UNC80: variants seen among roughly 807,000 people sequenced by gnomAD.
UNC80 encodes the protein protein unc-80 homolog.
In UNC80, 164 loss-of-function variants were observed where a neutral mutation model predicts 384.6. That is an observed-to-expected ratio of 0.43 (90% CI 0.38 to 0.49). UNC80 has a LOEUF of 0.49. UNC80 is among the 20% of genes least tolerant of loss of function. The pLI is 0.00. For synonymous variants in UNC80, 1,486 were observed against 1,527.8 expected (o/e 0.97, Z 0.64); for missense variants, 3,330 against 4,143.0 (o/e 0.80, Z 5.39).
chr2:209,862,349 A>G (rs2083403475), intron 22 of UNC80, among the ~76,000 whole-genome samples: 1 of 152,178 alleles, frequency 6.6e-6, no homozygotes, highest in African/African-American at 2.4e-5. Flanking sequence ...TGCTTGGTCC[A>G]GAGCTGAGTT....
chr2:209,835,131 A>G (rs116100761), intron 18 of UNC80, 121 bp downstream of exon 18: 18 of 746,048 alleles, frequency 2.4e-5, no homozygotes, highest in African/African-American at 2.3e-4. Flanking sequence ...CCTTGTTTCT[A>G]CCCTTTACAT....
chr2:209,858,366 C>A (rs2083092216), intron 22 of UNC80, among the ~76,000 whole-genome samples: 1 of 152,100 alleles, frequency 6.6e-6, no homozygotes. Flanking sequence ...CAATCCTTTA[C>A]TTTCAACTTT....
intron 35 of UNC80, 127 bp from the exon 36 acceptor site, chr2:209,926,716 C>A: frequency 1.7e-6 from 2 of 1,156,960 alleles, no homozygotes; most frequent in Non-Finnish European, 2.4e-6. Flanking sequence ...GTCGAGGCTG[C>A]AGTGAGCAGT....
At chr2:209,944,926 A>G (rs955408989) in intron 45 of UNC80, 125 bp from the exon 46 acceptor site, 5 of 1,126,794 alleles carry the variant, frequency 4.4e-6, no homozygotes, top group African/African-American at 3.1e-5. Context: ...AGAATTATGT[A>G]AGCTGAATTC....
At chr2:209,842,754 C>A (rs374369815) in intron 21 of UNC80, among the ~76,000 whole-genome samples, 1 of 152,172 alleles carries the variant, frequency 6.6e-6, no homozygotes, top group East Asian at 1.9e-4. Context: ...ATCCTTTTAT[C>A]CACCCACCTA....
chr2:209,927,064 A>T, intron 36 of UNC80, 78 bp downstream of exon 36: 1 of 1,467,192 alleles, frequency 6.8e-7, no homozygotes, highest in Non-Finnish European at 9.2e-7. Flanking sequence ...TTGCTCTTAA[A>T]CACATTATCT....
intron 59 of UNC80, among the ~76,000 whole-genome samples, chr2:209,979,176 G>A (rs1200718026): frequency 1.3e-5 from 2 of 152,154 alleles, no homozygotes; most frequent in African/African-American, 4.8e-5. Context: ...TTGAACCCGG[G>A]AGGCAGAGGT....
chr2:209,800,929 G>C (rs1161163072), intron 7 of UNC80, among the ~76,000 whole-genome samples: 3 of 152,144 alleles, frequency 2.0e-5, no homozygotes, highest in Non-Finnish European at 4.4e-5. Flanking sequence ...TGTTTGTTAT[G>C]ATTTCAGTTC....
At chr2:209,830,007 A>G (rs2080838448) in intron 15 of UNC80, among the ~76,000 whole-genome samples, 2 of 152,248 alleles carry the variant, frequency 1.3e-5, no homozygotes, top group African/African-American at 4.8e-5. Flanking sequence ...AACTGCATTT[A>G]TAGTAAACCA....
intron 22 of UNC80, among the ~76,000 whole-genome samples, chr2:209,856,329 T>C (rs1042654681): frequency 6.6e-6 from 1 of 152,142 alleles, no homozygotes; most frequent in Non-Finnish European, 1.5e-5. Context: ...ATTTAAAAGA[T>C]TATAGGTGAT....
chr2:209,834,046 G>A lies in UNC80; in HGVS notation c.2820G>A (p.Glu940=). The stretch of plus-strand genomic sequence containing the variant: ...GTCAGCTGGTCCAGTTTATCAAAGA[G>A]GCTCATGGGAATGTCTTCAGGAGAG... ...DIRQLVQFIK[E]AHGNVFRRVA... The change falls in exon 17 of 65, where the codon GAG becomes GAA. Residue 940 remains glutamate, a synonymous_variant. Transcript: ENST00000673920. 6.4e-7 allele frequency: 1 copy of A among 1,551,770 alleles called. No individual in the cohort carries two copies. Among genetic ancestry groups the A allele is most frequent in the Non-Finnish European group, 8.7e-7 (1 of 1,146,978 alleles).
At chr2:209,953,543 C>A (rs1286355088) in intron 47 of UNC80, among the ~76,000 whole-genome samples, 1 of 151,896 alleles carries the variant, frequency 6.6e-6, no homozygotes, top group Non-Finnish European at 1.5e-5. Flanking sequence ...GTGTTTCTGG[C>A]ACCCCAATAC....
rs2091634064 is a variant in UNC80, at chr2:209,941,563, A to G, written c.6915+74A>G. The stretch of plus-strand genomic sequence containing the variant: ...CATATCTAGCCGTTCAACTAGATCT[A>G]TACTGAAACTTTTTAATGATGGTGT... On this transcript the variant is annotated intron_variant, in intron 44 of 64. Transcript: ENST00000673920. The G allele has an allele frequency of 1.4e-5, 19 of 1,340,900 alleles. No individual in the cohort carries two copies. In the South Asian group the frequency reaches 2.8e-4, roughly 20 times the overall value. 83.1% of individuals were successfully genotyped at this position (1,340,900 alleles called of 1,614,324 possible).
chr2:209,875,358 A>T (rs1425723434), intron 23 of UNC80, among the ~76,000 whole-genome samples: 1 of 152,196 alleles, frequency 6.6e-6, no homozygotes, highest in African/African-American at 2.4e-5. Context: ...CCATTCCAAG[A>T]TTATGAGTGA....
Position 209,972,236 on chromosome 2 carries a change from C to T in UNC80, c.8292C>T (p.Ile2764=). ...AAGATTTTCCTTTAAGCCATGTGAT[C>T]TCCCCATTCACCAATCAAGAGCGAA... The part of the protein sequence containing the change: ...LKEDFPLSHV[I]SPFTNQERRE... The change falls in exon 55 of 65, where the codon ATC becomes ATT. Residue 2764 remains isoleucine (I), a synonymous_variant. Coordinates refer to ENST00000673920, the MANE Select transcript of UNC80 (RefSeq NM_001371986.1). 1 of 1,551,486 alleles carries T rather than the reference C, an allele frequency of 6.4e-7. No individual in the cohort carries two copies. Among genetic ancestry groups the T allele is most frequent in the Non-Finnish European group, 8.7e-7 (1 of 1,146,854 alleles).
chr2:209,903,521 A>G (rs1481858112), intron 28 of UNC80, among the ~76,000 whole-genome samples: 2 of 56,056 alleles, frequency 3.6e-5, no homozygotes, highest in East Asian at 4.7e-4. Context: ...TGTAATATAT[A>G]TACTATATAT....
intron 22 of UNC80, among the ~76,000 whole-genome samples, chr2:209,861,862 G>A (rs760124403): frequency 7.9e-5 from 12 of 152,126 alleles, no homozygotes; most frequent in South Asian, 2.1e-4. Flanking sequence ...TTGTATTTCC[G>A]TGGGGTCAGT....
At chr2:209,779,716 C>T (rs950326211) in intron 4 of UNC80, among the ~76,000 whole-genome samples, 16 of 152,100 alleles carry the variant, frequency 1.1e-4, no homozygotes, top group Non-Finnish European at 2.2e-4. Flanking sequence ...GATCCAAGTG[C>T]TAAAAACAGC....
intron 61 of UNC80, 54 bp from the exon 62 acceptor site, chr2:209,992,112 G>C: frequency 3.4e-6 from 5 of 1,470,664 alleles, no homozygotes; most frequent in Non-Finnish European, 4.6e-6. Flanking sequence ...ACCCACCAGA[G>C]GACAGTCTCC....
Sources: allele counts gnomAD v4.1 joint callset (sites outside exome capture counted in the v4.1 genomes callset), GRCh38; gene constraint gnomAD v4.1.1; transcripts MANE v1.5; gene names NCBI Gene and HGNC (gene_info 2026-07-23, HGNC 2026-07-21).